The following UBE2W variants were observed in gnomAD, a reference collection of about 807,000 sequenced individuals.
UBE2W encodes ubiquitin conjugating enzyme E2 W, also known as ubiquitin-conjugating enzyme E2 W.
In UBE2W, 18 loss-of-function variants were observed where a neutral mutation model predicts 27.2. That is an observed-to-expected ratio of 0.66 (90% CI 0.46 to 0.98). The LOEUF is 0.98. Among genes scored for constraint, UBE2W ranks in the 50% least tolerant of loss-of-function variants. The pLI, the probability that UBE2W is intolerant of heterozygous loss-of-function variation, is 0.00. For synonymous variants in UBE2W, 53 were observed against 57.2 expected, an observed-to-expected ratio of 0.93 and a Z score of 0.33; for missense variants, 90 against 180.2, an observed-to-expected ratio of 0.50 and a Z score of 2.87.
intron 1 of UBE2W, chr8:73,870,224 A>G: frequency 3.2e-6 from 5 of 1,560,470 alleles, no homozygotes; most frequent in Non-Finnish European, 4.3e-6. Flanking sequence ...TTATTTGACT[A>G]ATTCTCAAGT....
chr8:73,877,062 G>A (rs1812262337), intron 1 of UBE2W, among the ~76,000 whole-genome samples: 1 of 152,170 alleles, frequency 6.6e-6, no homozygotes, highest in South Asian at 2.1e-4. Flanking sequence ...TAAATCTAAC[G>A]AGATGACACA....
intron 1 of UBE2W, among the ~76,000 whole-genome samples, chr8:73,875,456 C>T (rs1328100534): frequency 2.0e-5 from 3 of 152,120 alleles, no homozygotes; most frequent in Non-Finnish European, 4.4e-5. Context: ...ACATACTCTC[C>T]AATAAGAAAT....
intron 1 of UBE2W, among the ~76,000 whole-genome samples, chr8:73,853,377 G>A (rs1462238437): frequency 6.6e-6 from 1 of 152,094 alleles, no homozygotes; most frequent in Non-Finnish European, 1.5e-5. Flanking sequence ...CAATGCTCCC[G>A]CCTCAGCCTC....
downstream of UBE2W, among the ~76,000 whole-genome samples, chr8:73,785,323 T>C (rs1433541715): frequency 6.6e-6 from 1 of 152,010 alleles, no homozygotes; most frequent in Non-Finnish European, 1.5e-5. Flanking sequence ...TTTGTATTTT[T>C]AGTAAAGATG....
At chr8:73,834,429 T>C (rs1810220795) in intron 1 of UBE2W, among the ~76,000 whole-genome samples, 1 of 152,218 alleles carries the variant, frequency 6.6e-6, no homozygotes, top group Non-Finnish European at 1.5e-5. Flanking sequence ...TCAACAGAAC[T>C]TTCCATATAC....
intron 5 of UBE2W, among the ~76,000 whole-genome samples, chr8:73,804,374 A>G (rs1321336104): frequency 6.6e-6 from 1 of 151,960 alleles, no homozygotes; most frequent in East Asian, 1.9e-4. Context: ...TACTTGCTTC[A>G]AAAACTACAT....
chr8:73,868,653 C>A (rs757166135), intron 1 of UBE2W, among the ~76,000 whole-genome samples: 3 of 150,890 alleles, frequency 2.0e-5, no homozygotes, highest in Non-Finnish European at 4.4e-5. Context: ...CTGGTTAGTG[C>A]CAGAAATGAA....
intron 1 of UBE2W, among the ~76,000 whole-genome samples, chr8:73,859,192 A>C (rs868671660): frequency 2.3e-4 from 35 of 152,108 alleles, no homozygotes; most frequent in Non-Finnish European, 1.3e-4. Flanking sequence ...TCCTCTTCTC[A>C]GTCTATAACA....
At position 73,786,922 on chromosome 8, in the gene UBE2W, T is replaced by G. The variant is rs2130829477; in HGVS notation, c.*7180A>C. On this transcript the variant is annotated 3_prime_UTR_variant, in exon 6 of 6. Transcript: ENST00000602593. ...CATTGAGGTATGGAAACATAAAATTTTAATGTTGAATTGGCTATCTGCAGG... is the reference window on the plus strand; with the variant it reads ...CATTGAGGTATGGAAACATAAAATTGTAATGTTGAATTGGCTATCTGCAGG... The G allele has an allele frequency of 2.0e-6, 2 of 985,450 alleles. No individual in the cohort carries two copies. Among genetic ancestry groups the G allele is most frequent in the East Asian group, 1.1e-4 (1 of 8,824 alleles). The allele number at this position is 985,450 out of a possible 1,614,324, so 61.0% of individuals were successfully genotyped here.
At chr8:73,846,293 G>A (rs558427184) in intron 1 of UBE2W, among the ~76,000 whole-genome samples, 34 of 152,272 alleles carry the variant, frequency 2.2e-4, no homozygotes, top group Non-Finnish European at 4.0e-4. Flanking sequence ...CTACTCAGGA[G>A]GCTGAGGCAG....
intron 1 of UBE2W, among the ~76,000 whole-genome samples, chr8:73,845,785 T>G (rs895189453): frequency 6.6e-6 from 1 of 151,882 alleles, no homozygotes; most frequent in African/African-American, 2.4e-5. Flanking sequence ...TTATAGAAAT[T>G]AGAAGGCTAC....
At chr8:73,870,243 G>A (rs372260543) in intron 1 of UBE2W, 1,000 of 1,579,910 alleles carry the variant, frequency 6.3e-4, no homozygotes, top group Non-Finnish European at 7.8e-4. Context: ...GTTTTGAAGA[G>A]GATTGGCAAA....
rs138082179 is a variant in UBE2W, at chr8:73,823,872, T to G, written c.210+1275A>C. On this transcript the variant is annotated intron_variant, in intron 3 of 5. Coordinates refer to ENST00000602593, the MANE Select transcript of UBE2W (RefSeq NM_018299.6). ...ACAATAACTGACTTTATCTCTTCTC[T>G]TACATAACTAAGAAAAGATTAAGCT... Among the ~76,000 whole-genome samples the G allele has an allele frequency of 2.1e-3, 325 of 152,320 alleles. 1 individual carries two copies. The highest frequency in any genetic ancestry group is 7.4e-3 in the African/African-American group (307 of 41,574).
exon 5 of UBE2W, chr8:73,780,501 G>A (rs1807822513): frequency 2.2e-6 from 1 of 452,982 alleles, no homozygotes; most frequent in South Asian, 1.6e-5. Context: ...TAGATAGTAT[G>A]AAGGCAGATT....
chr8:73,865,180 CAAAAAAAAAAAAA>C (rs11354153), intron 1 of UBE2W, among the ~76,000 whole-genome samples: 24 of 32,860 alleles, frequency 7.3e-4, no homozygotes, highest in East Asian at 6.7e-3. Flanking sequence ...GTGCAAACGT[CAAAAAAAAAAAAA>C]AAAAAAAAAA....
At chr8:73,820,296 T>TGTTA (rs1809554543) in intron 3 of UBE2W, among the ~76,000 whole-genome samples, 1 of 152,228 alleles carries the variant, frequency 6.6e-6, no homozygotes, top group East Asian at 1.9e-4. Context: ...TGACCCATTA[T>TGTTA]AATTATGTTA....
chr8:73,825,680 A>G (rs1809807411), intron 2 of UBE2W, among the ~76,000 whole-genome samples: 1 of 152,152 alleles, frequency 6.6e-6, no homozygotes, highest in South Asian at 2.1e-4. Flanking sequence ...GTGCACCTGT[A>G]ATCCCAGCTA....
At chr8:73,867,231 T>C (rs921700899) in intron 1 of UBE2W, among the ~76,000 whole-genome samples, 2 of 151,438 alleles carry the variant, frequency 1.3e-5, no homozygotes, top group Middle Eastern at 3.5e-3. Context: ...CAAAACCCCA[T>C]CTCTACTAAA....
At chr8:73,849,745 G>C (rs1351206373) in intron 1 of UBE2W, among the ~76,000 whole-genome samples, 1 of 151,858 alleles carries the variant, frequency 6.6e-6, no homozygotes, top group East Asian at 1.9e-4. Context: ...TATTAGATTG[G>C]TTAAAAAGTA....
Sources: gnomAD v4.1 joint callset for allele counts (sites outside exome capture counted in the v4.1 genomes callset) on GRCh38, gnomAD v4.1.1 for gene constraint, MANE v1.5 for transcripts, NCBI Gene and HGNC (gene_info 2026-07-23, HGNC 2026-07-21) for gene names.